The following GRM5 variants were observed in gnomAD, a reference collection of about 807,000 sequenced individuals.
The protein encoded by GRM5 is glutamate metabotropic receptor 5, also known as metabotropic glutamate receptor 5.
GRM5 carries 19 observed loss-of-function variants against 83.1 expected under a neutral mutation model. The ratio of observed to expected loss-of-function variants is 0.23; its 90% CI spans 0.16 to 0.34. GRM5 has a LOEUF of 0.34. GRM5 is among the 10% of genes least tolerant of loss of function. The pLI, the probability that GRM5 is intolerant of heterozygous loss-of-function variation, is 1.00. For synonymous variants in GRM5, 675 were observed against 633.6 expected (o/e 1.07, Z -0.98); for missense variants, 1,160 against 1,588.3 (o/e 0.73, Z 4.58).
chr11:88,902,903 A>C (rs2135597272), intron 2 of GRM5, among the ~76,000 whole-genome samples: 1 of 137,416 alleles, frequency 7.3e-6, no homozygotes, highest in African/African-American at 2.8e-5. Context: ...GTTAGCCGAG[A>C]TCGTGCCACT....
intron 2 of GRM5, among the ~76,000 whole-genome samples, chr11:88,941,491 GGAGAGGAGGGGAGAGGAGGGGAGAGGA>G (rs1938100189): frequency 9.5e-6 from 1 of 105,234 alleles, no homozygotes; most frequent in Admixed American, 1.0e-4. Context: ...GGAGAGGAGG[GGAGAGGAGGGGAGAGGAGGGGAGAGGA>G]GAGAGGAGGG....
intron 3 of GRM5, among the ~76,000 whole-genome samples, chr11:88,844,244 T>G (rs1042946596): frequency 6.6e-6 from 1 of 151,978 alleles, no homozygotes; most frequent in Admixed American, 6.6e-5. Flanking sequence ...AACTTATGAA[T>G]TATGTTACAT....
chr11:88,832,321 AC>A (rs1263292125), intron 3 of GRM5, among the ~76,000 whole-genome samples: 3 of 152,244 alleles, frequency 2.0e-5, no homozygotes, highest in Non-Finnish European at 4.4e-5. Context: ...ATTTCTATAC[AC>A]CAATAATGAA....
intron 3 of GRM5, among the ~76,000 whole-genome samples, chr11:88,787,734 AAAAG>A (rs1317625989): frequency 1.3e-5 from 2 of 152,154 alleles, no homozygotes; most frequent in African/African-American, 2.4e-5. Context: ...GGAGGTAAAG[AAAAG>A]AGAGAGAGGA....
At chr11:88,788,904 A>G (rs1943121558) in intron 3 of GRM5, among the ~76,000 whole-genome samples, 1 of 152,146 alleles carries the variant, frequency 6.6e-6, no homozygotes. Context: ...CGCCTCCTCA[A>G]TTGACAGTTT....
intron 2 of GRM5, among the ~76,000 whole-genome samples, chr11:89,025,486 G>A (rs57625547): frequency 0.022 from 3,307 of 152,252 alleles, 145 homozygotes; most frequent in African/African-American, 0.076. Context: ...TGCAATAATA[G>A]GAACTACGCA....
At chr11:88,840,536 T>C (rs1248527705) in intron 3 of GRM5, among the ~76,000 whole-genome samples, 1 of 152,212 alleles carries the variant, frequency 6.6e-6, no homozygotes, top group Admixed American at 6.5e-5. Flanking sequence ...ATCATAAATA[T>C]TGTGAAGTGA....
intron 3 of GRM5, among the ~76,000 whole-genome samples, chr11:88,683,290 C>A (rs987737740): frequency 1.3e-5 from 2 of 152,132 alleles, no homozygotes; most frequent in African/African-American, 4.8e-5. Context: ...CCTGATGTTT[C>A]CTGATTACTT....
chr11:88,914,796 A>T (rs982793519), intron 2 of GRM5, among the ~76,000 whole-genome samples: 4 of 152,210 alleles, frequency 2.6e-5, no homozygotes, highest in African/African-American at 9.6e-5. Context: ...CAATCATAAT[A>T]GGTATTTTTC....
At chr11:88,926,437 A>C (rs1305866381) in intron 2 of GRM5, among the ~76,000 whole-genome samples, 2 of 152,166 alleles carry the variant, frequency 1.3e-5, no homozygotes, top group African/African-American at 4.8e-5. Context: ...CATTAAGTTT[A>C]TATCTACAGA....
intron 3 of GRM5, among the ~76,000 whole-genome samples, chr11:88,828,997 C>G (rs926882601): frequency 7.3e-5 from 11 of 151,560 alleles, no homozygotes; most frequent in African/African-American, 2.7e-4. Context: ...AATTTCAGCC[C>G]TCTAAATATT....
chr11:88,904,998 T>C (rs1287060967), intron 2 of GRM5, among the ~76,000 whole-genome samples: 3 of 152,218 alleles, frequency 2.0e-5, no homozygotes, highest in Non-Finnish European at 4.4e-5. Context: ...TTCTTATTGA[T>C]ATATGATTAT....
rs16914919 is a variant in GRM5 at position 88,807,845 on chromosome 11, G to A, written c.911+42061C>T. The stretch of plus-strand genomic sequence containing the variant: ...ATAAAAATGTGCTAAGAGAAACTGA[G>A]TTATACGTATTAGTCAATTAACAAG... On this transcript the variant is annotated intron_variant, in intron 3 of 9. Transcript: ENST00000305447. Among the ~76,000 whole-genome samples, 872 of 152,106 alleles carry A rather than the reference G, an allele frequency of 5.7e-3. 18 individuals carry two copies. The East Asian group carries it at 0.072, about 13-fold the overall frequency.
intron 1 of GRM5, among the ~76,000 whole-genome samples, chr11:89,051,640 G>A (rs981027438): frequency 1.3e-5 from 2 of 152,112 alleles, no homozygotes; most frequent in Non-Finnish European, 2.9e-5. Flanking sequence ...AACCTGGGAG[G>A]AGGAGGATGC....
intron 5 of GRM5, among the ~76,000 whole-genome samples, chr11:88,598,298 G>C (rs1937878650): frequency 6.6e-6 from 1 of 152,112 alleles, no homozygotes; most frequent in South Asian, 2.1e-4. Context: ...CTCGCTTTTG[G>C]ATTCAAGTGA....
chr11:88,703,348 A>G (rs1413072315), intron 3 of GRM5, among the ~76,000 whole-genome samples: 1 of 151,232 alleles, frequency 6.6e-6, no homozygotes, highest in Non-Finnish European at 1.5e-5. Flanking sequence ...TCTTTTGCAA[A>G]GAAACTTGTC....
intron 2 of GRM5, among the ~76,000 whole-genome samples, chr11:88,877,066 A>G (rs1590931826): frequency 6.6e-6 from 1 of 152,216 alleles, no homozygotes; most frequent in Admixed American, 6.6e-5. Flanking sequence ...TGCTGGAAAG[A>G]GTAGCAGGGA....
intron 5 of GRM5, among the ~76,000 whole-genome samples, chr11:88,601,431 C>T (rs537150262): frequency 6.7e-6 from 1 of 150,126 alleles, no homozygotes; most frequent in South Asian, 2.1e-4. Context: ...CTCTTTTGTT[C>T]TTTCTTATCT....
intron 8 of GRM5, among the ~76,000 whole-genome samples, chr11:88,544,989 G>A (rs539065981): frequency 6.6e-6 from 1 of 152,114 alleles, no homozygotes; most frequent in Non-Finnish European, 1.5e-5. Flanking sequence ...CTGGGCCTTT[G>A]GGAGACAAAA....
Sources: gnomAD v4.1 joint callset for allele counts (sites outside exome capture counted in the v4.1 genomes callset) on GRCh38, gnomAD v4.1.1 for gene constraint, MANE v1.5 for transcripts, NCBI Gene and HGNC (gene_info 2026-07-23, HGNC 2026-07-21) for gene names.